CENPP: variants seen among roughly 807,000 people sequenced by gnomAD.
CENPP encodes centromere protein P.
In CENPP, 24 loss-of-function variants were observed where a neutral mutation model predicts 35.6. The ratio of observed to expected loss-of-function variants is 0.67; its 90% CI spans 0.49 to 0.95. CENPP has a LOEUF of 0.95. Among genes scored for constraint, CENPP ranks in the 40% least tolerant of loss-of-function variants. The pLI, the probability that CENPP is intolerant of heterozygous loss-of-function variation, is 0.00. For missense variants in CENPP, 332 were observed against 345.3 expected (o/e 0.96, Z 0.31); for synonymous variants, 120 against 125.5 (o/e 0.96, Z 0.29).
chr9:92,514,518 G>T, intron 5 of CENPP: 1 of 1,376,462 alleles, frequency 7.3e-7, no homozygotes, highest in Non-Finnish European at 9.7e-7. Context: ...CAGGTGATCT[G>T]GCCACCTCAG....
At chr9:92,527,317 A>G (rs1376981017) in intron 5 of CENPP, among the ~76,000 whole-genome samples, 1 of 152,126 alleles carries the variant, frequency 6.6e-6, no homozygotes, top group Non-Finnish European at 1.5e-5. Context: ...GGCTTTAGAT[A>G]TGTTTAGATA....
intron 5 of CENPP, among the ~76,000 whole-genome samples, chr9:92,609,920 G>C (rs1450705369): frequency 1.3e-5 from 2 of 151,862 alleles, no homozygotes; most frequent in East Asian, 1.9e-4. Flanking sequence ...TTTTTTAGTA[G>C]AGACGGGCTT....
intron 5 of CENPP, among the ~76,000 whole-genome samples, chr9:92,435,604 C>A (rs1844228150): frequency 6.6e-6 from 1 of 152,140 alleles, no homozygotes; most frequent in South Asian, 2.1e-4. Context: ...CTAGCAAAAA[C>A]TAATCTTTTC....
At chr9:92,576,501 T>C (rs1414669203) in intron 5 of CENPP, among the ~76,000 whole-genome samples, 1 of 152,190 alleles carries the variant, frequency 6.6e-6, no homozygotes, top group Non-Finnish European at 1.5e-5. Flanking sequence ...TGATAAATTT[T>C]ATGTTATCTG....
intron 5 of CENPP, among the ~76,000 whole-genome samples, chr9:92,386,940 C>T (rs1588081320): frequency 6.7e-6 from 1 of 148,912 alleles, no homozygotes; most frequent in Non-Finnish European, 1.5e-5. Flanking sequence ...CCCAGCTACT[C>T]GGGAGGCTGA....
chr9:92,474,583 G>A (rs1449375573), intron 5 of CENPP: 3 of 1,577,874 alleles, frequency 1.9e-6, no homozygotes, highest in African/African-American at 1.4e-5. Flanking sequence ...TGTCAGAATA[G>A]CATTACTATT....
chr9:92,457,881 A>T (rs1378802657), intron 5 of CENPP, among the ~76,000 whole-genome samples: 1 of 152,200 alleles, frequency 6.6e-6, no homozygotes, highest in Non-Finnish European at 1.5e-5. Flanking sequence ...TTATGTGTAT[A>T]TATATGGTTA....
At chr9:92,592,160 A>G (rs1412572408) in intron 5 of CENPP, among the ~76,000 whole-genome samples, 2 of 152,198 alleles carry the variant, frequency 1.3e-5, no homozygotes, top group Admixed American at 1.3e-4. Context: ...ATACACTTAT[A>G]CATTTATCAT....
intron 5 of CENPP, among the ~76,000 whole-genome samples, chr9:92,425,416 A>T (rs141427405): frequency 1.3e-5 from 2 of 152,208 alleles, no homozygotes; most frequent in Non-Finnish European, 2.9e-5. Flanking sequence ...TCTTCATTTC[A>T]TAGAGCTATC....
At chr9:92,383,030 G>A (rs1842299091) in intron 5 of CENPP, among the ~76,000 whole-genome samples, 1 of 151,528 alleles carries the variant, frequency 6.6e-6, no homozygotes, top group Non-Finnish European at 1.5e-5. Flanking sequence ...CCAGTAGCTG[G>A]GATTACAGGC....
intron 5 of CENPP, among the ~76,000 whole-genome samples, chr9:92,492,677 T>C (rs1476411881): frequency 6.6e-6 from 1 of 152,126 alleles, no homozygotes; most frequent in Non-Finnish European, 1.5e-5. Flanking sequence ...GGTTCGGACC[T>C]TTTATTAGGC....
intron 5 of CENPP, among the ~76,000 whole-genome samples, chr9:92,590,179 A>T (rs77207077): frequency 6.6e-6 from 1 of 152,350 alleles, no homozygotes; most frequent in Non-Finnish European, 1.5e-5. Flanking sequence ...AGTTCAACAA[A>T]GAGTTTTCAG....
intron 5 of CENPP, among the ~76,000 whole-genome samples, chr9:92,551,119 A>G (rs1849578204): frequency 6.6e-6 from 1 of 152,172 alleles, no homozygotes; most frequent in Non-Finnish European, 1.5e-5. Flanking sequence ...GGGAGAGCAC[A>G]TAGACATCTT....
At chr9:92,564,470 A>G (rs1357374996) in intron 5 of CENPP, among the ~76,000 whole-genome samples, 3 of 152,184 alleles carry the variant, frequency 2.0e-5, no homozygotes, top group Admixed American at 6.5e-5. Context: ...AATTCAAGAT[A>G]TCATTAGGAG....
intron 5 of CENPP, among the ~76,000 whole-genome samples, chr9:92,513,314 T>C (rs1847474580): frequency 6.6e-6 from 1 of 152,102 alleles, no homozygotes; most frequent in Admixed American, 6.5e-5. Flanking sequence ...CAGTACCAAG[T>C]GCGGGCAGGC....
chr9:92,583,767 A>G (rs1268463437), intron 5 of CENPP, among the ~76,000 whole-genome samples: 1 of 152,194 alleles, frequency 6.6e-6, no homozygotes, highest in Non-Finnish European at 1.5e-5. Flanking sequence ...TCACTATGAA[A>G]TCACCAGCAT....
intron 5 of CENPP, chr9:92,515,247 T>C: frequency 7.0e-7 from 1 of 1,430,006 alleles, no homozygotes; most frequent in South Asian, 1.8e-5. Context: ...AAGTTGATGA[T>C]ATTAATAAAA....
chr9:92,335,735 A>G (rs531959012), intron 2 of CENPP, among the ~76,000 whole-genome samples: 1 of 152,224 alleles, frequency 6.6e-6, no homozygotes, highest in African/African-American at 2.4e-5. Flanking sequence ...CTTCTGTTCT[A>G]TTGACCTATT....
At chr9:92,529,590 A>G (rs562433889) in intron 5 of CENPP, among the ~76,000 whole-genome samples, 4 of 152,328 alleles carry the variant, frequency 2.6e-5, no homozygotes, top group East Asian at 1.9e-4. Flanking sequence ...AAAAAAAACT[A>G]TGGTATATTC....
Sources: gnomAD v4.1 joint callset for allele counts (sites outside exome capture counted in the v4.1 genomes callset) on GRCh38, gnomAD v4.1.1 for gene constraint, MANE v1.5 for transcripts, NCBI Gene and HGNC (gene_info 2026-07-23, HGNC 2026-07-21) for gene names.